The following ASH1L variants were observed in gnomAD, a reference collection of about 807,000 sequenced individuals.
ASH1L encodes ASH1 like histone lysine methyltransferase, also known as histone-lysine N-methyltransferase ASH1L.
A neutral mutation model predicts 269.0 loss-of-function variants in ASH1L; 23 were observed. The ratio of observed to expected loss-of-function variants is 0.09; its 90% CI spans 0.06 to 0.12. The LOEUF (loss-of-function observed/expected upper bound fraction) is 0.12, where lower values mean the gene tolerates loss of function less well. ASH1L is among the 10% of genes least tolerant of loss of function. ASH1L has a pLI of 1.00. For missense variants in ASH1L, 2,912 were observed against 3,567.8 expected (o/e 0.82, Z 4.68); for synonymous variants, 1,187 against 1,253.5 (o/e 0.95, Z 1.12).
chr1:155,480,625 A>G lies in ASH1L; in HGVS notation c.2245T>C (p.Ser749Pro). 1 of 1,614,138 alleles carries G rather than the reference A, an allele frequency of 6.2e-7. No individual in the cohort carries two copies. Among genetic ancestry groups the G allele is most frequent in the Non-Finnish European group, 8.5e-7 (1 of 1,180,002 alleles). The change falls in exon 3 of 28, where the codon TCA (serine) becomes CCA (proline). Residue 749 changes from serine (S) to proline (P), a missense_variant. Transcript: ENST00000392403. ...SELFKNVSCS[S>P]LSNSNSEPAK... ...GGCTCAGAATTACTATTTGATAGTG[A>G]GCTACATGAAACGTTTTTAAAAAGC... is the stretch of plus-strand genomic sequence containing the variant.
At chr1:155,544,564 GGCGTAA>G (rs1387255950) in intron 1 of ASH1L, among the ~76,000 whole-genome samples, 4 of 152,080 alleles carry the variant, frequency 2.6e-5, no homozygotes. Flanking sequence ...TGGGATTACA[GGCGTAA>G]GCCACCGTGC....
intron 6 of ASH1L, among the ~76,000 whole-genome samples, chr1:155,401,301 AT>A (rs1658827175): frequency 6.6e-6 from 1 of 151,836 alleles, no homozygotes; most frequent in Non-Finnish European, 1.5e-5. Context: ...ACATGGTGAA[AT>A]CCCTTCTCTA....
At chr1:155,562,018 C>T in intron 1 of ASH1L, 135 bp downstream of exon 1, 3 of 666,758 alleles carry the variant, frequency 4.5e-6, no homozygotes, top group Non-Finnish European at 7.5e-6. Context: ...CCTCCCTGCT[C>T]TCCCCTCCCC....
At chr1:155,381,729 G>T (rs991093340) in intron 7 of ASH1L, among the ~76,000 whole-genome samples, 1 of 151,192 alleles carries the variant, frequency 6.6e-6, no homozygotes, top group Admixed American at 6.6e-5. Context: ...ACAAAAATTA[G>T]CTGGGTGTGG....
At chr1:155,408,523 A>C (rs920421049) in intron 6 of ASH1L, among the ~76,000 whole-genome samples, 1 of 152,180 alleles carries the variant, frequency 6.6e-6, no homozygotes, top group African/African-American at 2.4e-5. Flanking sequence ...AGAAAGAACA[A>C]GTCTGATAAA....
At position 155,540,826 on chromosome 1, in the gene ASH1L, T is replaced by C. The variant is rs146745195; in HGVS notation, c.-99-19208A>G. Among the ~76,000 whole-genome samples the C allele has an allele frequency of 6.8e-3, 1,036 of 152,322 alleles. 8 individuals carry two copies. The highest frequency in any genetic ancestry group is 0.024 in the African/African-American group (987 of 41,574). On this transcript the variant is annotated intron_variant, in intron 1 of 27. Coordinates refer to ENST00000392403, the MANE Select transcript of ASH1L (RefSeq NM_018489.3). Reference sequence around the variant, plus strand: ...CAAACACTCATACATCTGTGATACATGTGTTTGAAGCACTTTTCAGTTCCC... The same window carrying C: ...CAAACACTCATACATCTGTGATACACGTGTTTGAAGCACTTTTCAGTTCCC...
intron 1 of ASH1L, among the ~76,000 whole-genome samples, chr1:155,526,782 T>C (rs2148856788): frequency 6.6e-6 from 1 of 152,288 alleles, no homozygotes; most frequent in Admixed American, 6.5e-5. Flanking sequence ...ATATAAACGA[T>C]CTCTCCTTTC....
chr1:155,343,452 G>C lies in ASH1L; in HGVS notation c.8155C>G (p.Arg2719Gly). ...GGAGAGTGGTGTGTTTCGTGGGGAC[G>C]GAAATAATGGTGACCAAAGGCAAAC... is the stretch of plus-strand genomic sequence containing the variant. ...ERFAFGHHYF[R>G]PHETHHSPSR... The change falls in exon 24 of 28, where the codon CGT (arginine) becomes GGT (glycine). Residue 2719 changes from arginine (R) to glycine (G), a missense_variant. Physicochemically the swap from Arg to Gly is moderately radical, Grantham distance 125 (BLOSUM62 -2). Around this residue, in one of 13 missense-constraint regions of ASH1L, gnomAD observed 179 missense variants for 293.8 expected, o/e 0.61. Coordinates refer to ENST00000392403, the MANE Select transcript of ASH1L (RefSeq NM_018489.3). The surrounding 1 kb of genome is among the most constrained non-coding windows in gnomAD (Gnocchi z 6.1). 1.9e-6 allele frequency: 3 copies of C among 1,614,120 alleles called. No homozygotes were observed. The highest frequency in any genetic ancestry group is 2.5e-6 in the Non-Finnish European group (3 of 1,180,020).
At chr1:155,372,552 G>A (rs910186706) in intron 10 of ASH1L, among the ~76,000 whole-genome samples, 1 of 150,600 alleles carries the variant, frequency 6.6e-6, no homozygotes, top group Non-Finnish European at 1.5e-5. Flanking sequence ...CAAGTGATCC[G>A]CCCACCTCAG....
intron 4 of ASH1L, 117 bp from the exon 5 acceptor site, chr1:155,439,185 A>G: frequency 1.8e-6 from 2 of 1,100,314 alleles, no homozygotes; most frequent in South Asian, 2.0e-5. Context: ...ATTACACATC[A>G]TAGGTAAATT....
intron 12 of ASH1L, among the ~76,000 whole-genome samples, chr1:155,368,422 T>C (rs12565122): frequency 6.6e-6 from 1 of 152,106 alleles, no homozygotes; most frequent in East Asian, 1.9e-4. Flanking sequence ...TATTTTGTCT[T>C]ATGTCAGTTT....
chr1:155,560,113 A>G (rs1671861253), intron 1 of ASH1L, among the ~76,000 whole-genome samples: 2 of 152,192 alleles, frequency 1.3e-5, no homozygotes, highest in South Asian at 4.1e-4. Flanking sequence ...TTAAACTCAT[A>G]CTAACATCCA....
chr1:155,496,902 T>A (rs879532413), intron 2 of ASH1L, among the ~76,000 whole-genome samples: 3 of 151,900 alleles, frequency 2.0e-5, no homozygotes, highest in Non-Finnish European at 4.4e-5. Context: ...CGTCACAACC[T>A]CCCAAAGTGC....
intron 2 of ASH1L, among the ~76,000 whole-genome samples, chr1:155,508,315 G>A (rs1269020495): frequency 2.0e-5 from 3 of 152,064 alleles, no homozygotes; most frequent in African/African-American, 7.2e-5. Flanking sequence ...CCACTTGGGA[G>A]GAAAAAAGAA....
intron 12 of ASH1L, among the ~76,000 whole-genome samples, chr1:155,363,590 C>T (rs549253557): frequency 6.6e-6 from 1 of 152,264 alleles, no homozygotes; most frequent in South Asian, 2.1e-4. Context: ...AACTGCTCCA[C>T]AGGCCACTGC....
chr1:155,358,348 G>A (rs950539050), intron 13 of ASH1L, among the ~76,000 whole-genome samples: 1 of 152,032 alleles, frequency 6.6e-6, no homozygotes, highest in African/African-American at 2.4e-5. Flanking sequence ...GAAAGGTGGA[G>A]TACAGAGTAA....
At chr1:155,557,872 T>C (rs945811173) in intron 1 of ASH1L, among the ~76,000 whole-genome samples, 2 of 152,208 alleles carry the variant, frequency 1.3e-5, no homozygotes, top group African/African-American at 4.8e-5. Flanking sequence ...TTTAAAATAC[T>C]ACATGCTGCT....
At chr1:155,563,076 C>T (rs1250169318), upstream of ASH1L, 2 of 458,810 alleles carry the variant, frequency 4.4e-6, no homozygotes, top group Admixed American at 2.3e-5. Flanking sequence ...AACCTACCTC[C>T]CTGGGCTCCT....
intron 2 of ASH1L, among the ~76,000 whole-genome samples, chr1:155,492,720 T>A (rs1271790803): frequency 6.6e-6 from 1 of 151,962 alleles, no homozygotes; most frequent in Non-Finnish European, 1.5e-5. Context: ...CATAATAACG[T>A]TTGAATATTT....
Sources: gnomAD v4.1 joint callset for allele counts (sites outside exome capture counted in the v4.1 genomes callset) on GRCh38, gnomAD v4.1.1 for gene constraint, gnomAD v4.1.1 regional missense constraint, Gnocchi (gnomAD v3.1) non-coding constraint, MANE v1.5 for transcripts, NCBI Gene and HGNC (gene_info 2026-07-23, HGNC 2026-07-21) for gene names.